Variants in PON3 observed in about 807,000 individuals in gnomAD.
PON3 encodes the protein serum paraoxonase/lactonase 3.
PON3 carries 37 observed loss-of-function variants against 36.3 expected under a neutral mutation model. That is an observed-to-expected ratio of 1.02 (90% CI 0.78 to 1.34). The LOEUF (loss-of-function observed/expected upper bound fraction) is 1.34, where lower values mean the gene tolerates loss of function less well. PON3 is among the 40% of genes most tolerant of loss of function. The pLI, the probability that PON3 is intolerant of heterozygous loss-of-function variation, is 0.00. For missense variants in PON3, 415 were observed against 426.5 expected, an observed-to-expected ratio of 0.97 and a Z score of 0.24; for synonymous variants, 155 against 154.8, an observed-to-expected ratio of 1.00 and a Z score of -0.01.
At chr7:95,372,960 C>A (rs924440237) in intron 3 of PON3, among the ~76,000 whole-genome samples, 1 of 152,122 alleles carries the variant, frequency 6.6e-6, no homozygotes, top group Non-Finnish European at 1.5e-5. Flanking sequence ...AAAGTTTATT[C>A]CAGTAACTTG....
intron 2 of PON3, among the ~76,000 whole-genome samples, chr7:95,391,832 C>A (rs1809325838): frequency 6.6e-6 from 1 of 152,146 alleles, no homozygotes. Flanking sequence ...CTGTTTGCAT[C>A]TCAGATTTTC....
At chr7:95,375,493 T>C (rs1808897196) in intron 3 of PON3, among the ~76,000 whole-genome samples, 1 of 152,108 alleles carries the variant, frequency 6.6e-6, no homozygotes, top group South Asian at 2.1e-4. Flanking sequence ...GATCATTTAT[T>C]GTTCAGACTC....
intron 4 of PON3, among the ~76,000 whole-genome samples, chr7:95,368,495 A>G (rs1320562092): frequency 6.6e-6 from 1 of 152,174 alleles, no homozygotes; most frequent in Non-Finnish European, 1.5e-5. Flanking sequence ...CAGCCCCAAC[A>G]CGGACCTTCA....
chr7:95,395,608 C>T (rs1809412054), intron 1 of PON3, among the ~76,000 whole-genome samples: 1 of 152,138 alleles, frequency 6.6e-6, no homozygotes, highest in African/African-American at 2.4e-5. Flanking sequence ...CAACTGAAAG[C>T]AAGCAGAGGC....
chr7:95,379,997 A>G (rs1809010067), intron 3 of PON3, among the ~76,000 whole-genome samples: 1 of 152,198 alleles, frequency 6.6e-6, no homozygotes, highest in African/African-American at 2.4e-5. Context: ...TACCCCTCTG[A>G]GACGAAACCT....
chr7:95,376,507 A>T (rs60629322), intron 3 of PON3, among the ~76,000 whole-genome samples: 1 of 152,206 alleles, frequency 6.6e-6, no homozygotes, highest in Non-Finnish European at 1.5e-5. Context: ...TCCTTATCCT[A>T]TAAGTTGTTT....
At chr7:95,390,093 A>G in intron 3 of PON3, 61 bp downstream of exon 3, 1 of 1,493,524 alleles carries the variant, frequency 6.7e-7, no homozygotes, top group Non-Finnish European at 9.3e-7. Context: ...AGAGGACAAC[A>G]TTAATGCACT....
intron 8 of PON3, 53 bp from the exon 9 acceptor site, chr7:95,360,184 A>G: frequency 6.8e-7 from 1 of 1,472,200 alleles, no homozygotes; most frequent in Non-Finnish European, 9.5e-7. Context: ...CACCTGTTTC[A>G]TGATGTCCTT....
At chr7:95,365,982 G>A (rs751584626) in intron 5 of PON3, 15 of 149,222 alleles carry the variant, frequency 1.0e-4, no homozygotes, top group Admixed American at 6.7e-4. Context: ...CCAAAGTGTC[G>A]CCTTCTGAGG....
intron 4 of PON3, among the ~76,000 whole-genome samples, chr7:95,368,799 AAAAACAAAAACAAAC>A (rs1329853649): frequency 7.2e-6 from 1 of 138,888 alleles, no homozygotes; most frequent in Non-Finnish European, 1.5e-5. Flanking sequence ...TCTCAAAAAC[AAAAACAAAAACAAAC>A]AAAAAAAAAA....
intron 3 of PON3, among the ~76,000 whole-genome samples, chr7:95,388,024 A>G (rs1809236598): frequency 1.3e-5 from 2 of 152,088 alleles, no homozygotes; most frequent in Admixed American, 6.5e-5. Context: ...TAAAACCATA[A>G]AAACCCTAGA....
rs17879079 is a variant in PON3 at position 95,360,482 on chromosome 7, G to C, written c.907-351C>G. Among the ~76,000 whole-genome samples, 522 of 152,256 alleles carry C rather than the reference G, an allele frequency of 3.4e-3. 4 individuals are homozygous for C. Among genetic ancestry groups the C allele is most frequent in the African/African-American group, 0.012 (493 of 41,546 alleles). Reference sequence around the variant, plus strand: ...TGCCTTTGAGATTACAGTATGGGGAGAGAAACAAGACAAAATAATGAAGAA... The same window carrying C: ...TGCCTTTGAGATTACAGTATGGGGACAGAAACAAGACAAAATAATGAAGAA... On this transcript the variant is annotated intron_variant, in intron 8 of 8. Coordinates refer to ENST00000265627, the MANE Select transcript of PON3 (RefSeq NM_000940.3).
chr7:95,384,285 T>C (rs1300008872), intron 3 of PON3, among the ~76,000 whole-genome samples: 1 of 152,092 alleles, frequency 6.6e-6, no homozygotes, highest in Non-Finnish European at 1.5e-5. Flanking sequence ...ACTCAGGACA[T>C]AGGCATGGGC....
At chr7:95,377,995 A>C (rs17880600) in intron 3 of PON3, among the ~76,000 whole-genome samples, 9,200 of 152,282 alleles carry the variant, frequency 0.06, 406 homozygotes, top group Non-Finnish European at 0.094. Context: ...CATCACAAGG[A>C]AGCTAAAAAC....
rs982661585 is a variant in PON3, at chr7:95,394,866, T to G, written c.75-152A>C. 1.4e-5 allele frequency: 10 copies of G among 702,338 alleles called. No homozygotes were observed. In the African/African-American group the frequency reaches 1.8e-4, roughly 13 times the overall value. The allele number at this position is 702,338 out of a possible 1,614,324, so 43.5% of individuals were successfully genotyped here. A position where few individuals can be genotyped will look rare whatever the true frequency, so the allele number is the denominator to read the frequency against. ...GTAAGTAGGTACTTCCTTTCATGTT[T>G]ATTTACATAATGTAGACATTATGTG... On this transcript the variant is annotated intron_variant, in intron 1 of 8. Transcript: ENST00000265627.
At chr7:95,393,747 A>G (rs548742811) in intron 2 of PON3, among the ~76,000 whole-genome samples, 1 of 152,280 alleles carries the variant, frequency 6.6e-6, no homozygotes, top group Admixed American at 6.5e-5. Context: ...ACAGAAATGT[A>G]AAATAGATTT....
intron 2 of PON3, among the ~76,000 whole-genome samples, chr7:95,391,004 C>G (rs1291548653): frequency 6.6e-6 from 1 of 152,176 alleles, no homozygotes; most frequent in Non-Finnish European, 1.5e-5. Flanking sequence ...AATCCCACTG[C>G]TAAGTCTAAA....
rs1021604389 is a variant in PON3, at chr7:95,362,983, A to G, written c.696-142T>C. The G allele has an allele frequency of 1.5e-5, 10 of 676,006 alleles. No homozygotes were observed. In the African/African-American group the frequency reaches 1.8e-4, roughly 12 times the overall value. The allele number at this position is 676,006 out of a possible 1,614,324, so 41.9% of individuals were successfully genotyped here. A position where few individuals can be genotyped will look rare whatever the true frequency, so the allele number is the denominator to read the frequency against. On this transcript the variant is annotated intron_variant, in intron 6 of 8. Coordinates refer to ENST00000265627, the MANE Select transcript of PON3 (RefSeq NM_000940.3). ...TTCTAAACCACAGTAAAAGAAGATA[A>G]TGGGGTAGTATTTTTAATATTCTTG...
chr7:95,379,955 G>C (rs1357207523), intron 3 of PON3, among the ~76,000 whole-genome samples: 1 of 152,202 alleles, frequency 6.6e-6, no homozygotes. Flanking sequence ...GCACACCCCA[G>C]TACGGGCAGA....
Sources: gnomAD v4.1 joint callset for allele counts (sites outside exome capture counted in the v4.1 genomes callset) on GRCh38, gnomAD v4.1.1 for gene constraint, MANE v1.5 for transcripts, NCBI Gene and HGNC (gene_info 2026-07-23, HGNC 2026-07-21) for gene names.